SLC35A3: variants seen among roughly 807,000 people sequenced by gnomAD.
SLC35A3 encodes solute carrier family 35 member A3, also known as UDP-N-acetylglucosamine transporter.
In SLC35A3, 26 loss-of-function variants were observed where a neutral mutation model predicts 39.0. The observed-to-expected ratio is 0.67, with a 90% confidence interval of 0.49 to 0.92. The LOEUF (loss-of-function observed/expected upper bound fraction) is 0.92, where lower values mean the gene tolerates loss of function less well. SLC35A3 is among the 40% of genes least tolerant of loss of function. SLC35A3 has a pLI of 0.00. For missense variants in SLC35A3, 299 were observed against 371.6 expected (o/e 0.80, Z 1.61); for synonymous variants, 135 against 133.1 (o/e 1.01, Z -0.10).
At position 100,029,241 on chromosome 1, in the gene SLC35A3, C is replaced by A. The variant is rs1344521003; in HGVS notation, c.*6765C>A. On this transcript the variant is annotated 3_prime_UTR_variant, in exon 8 of 8. Transcript: ENST00000533028. ...GTTAGCATAAACTGTCAAGTGTTGT[C>A]TAAGGAACCCACAATGAATAATAAA... The A allele has an allele frequency of 6.6e-6, 1 of 152,062 alleles. No individual in the cohort carries two copies. Among genetic ancestry groups the A allele is most frequent in the African/African-American group, 2.4e-5 (1 of 41,384 alleles). 9.4% of individuals were successfully genotyped at this position (152,062 alleles called of 1,614,324 possible).
At chr1:99,987,698 T>C (rs1657828802) in intron 1 of SLC35A3, among the ~76,000 whole-genome samples, 1 of 152,172 alleles carries the variant, frequency 6.6e-6, no homozygotes, top group African/African-American at 2.4e-5. Context: ...TTAAGGATCA[T>C]ATATATACAA....
At position 100,027,940 on chromosome 1, in the gene SLC35A3, C is replaced by T. The variant is rs998569833; in HGVS notation, c.*5464C>T. 2.9e-5 allele frequency: 4 copies of T among 138,462 alleles called. No individual in the cohort carries two copies. The highest frequency in any genetic ancestry group is 3.1e-5 in the Non-Finnish European group (2 of 64,584). The allele number at this position is 138,462 out of a possible 1,614,324, so 8.6% of individuals were successfully genotyped here. ...AATCTGAATCTTATAGATAATACTA[C>T]CTTTTTTTTTTTTTTTTTTTTTTTT... is the stretch of plus-strand genomic sequence containing the variant. On this transcript the variant is annotated 3_prime_UTR_variant, in exon 8 of 8. Transcript: ENST00000533028.
chr1:99,994,944 T>A (rs1658294955), intron 2 of SLC35A3, among the ~76,000 whole-genome samples: 1 of 152,238 alleles, frequency 6.6e-6, no homozygotes, highest in Non-Finnish European at 1.5e-5. Context: ...GGTTCCTGTT[T>A]CTTCACATCT....
At chr1:99,988,725 C>T (rs1384870962) in intron 1 of SLC35A3, among the ~76,000 whole-genome samples, 1 of 145,440 alleles carries the variant, frequency 6.9e-6, no homozygotes. Flanking sequence ...GGTCTCCTCT[C>T]CCCTCCCCTT....
At chr1:100,005,084 C>T (rs148325255) in intron 3 of SLC35A3, among the ~76,000 whole-genome samples, 20 of 152,270 alleles carry the variant, frequency 1.3e-4, no homozygotes, top group Middle Eastern at 3.4e-3. Flanking sequence ...AATAGTTTCA[C>T]TGCGTATGGT....
intron 1 of SLC35A3, among the ~76,000 whole-genome samples, chr1:99,973,153 TAG>T (rs1656916958): frequency 6.6e-6 from 1 of 152,330 alleles, no homozygotes; most frequent in South Asian, 2.1e-4. Flanking sequence ...CTGAGAAGTA[TAG>T]AGAGTGAAGT....
intron 1 of SLC35A3, among the ~76,000 whole-genome samples, chr1:99,989,727 T>C (rs1306894470): frequency 3.3e-5 from 5 of 152,224 alleles, no homozygotes; most frequent in Non-Finnish European, 7.3e-5. Flanking sequence ...GCCTTTCATA[T>C]TATTTTACAG....
rs753405326 is a variant in SLC35A3, at chr1:100,026,014, G to A, written c.*3538G>A. On this transcript the variant is annotated 3_prime_UTR_variant, in exon 8 of 8. Coordinates refer to ENST00000533028, the MANE Select transcript of SLC35A3 (RefSeq NM_012243.3). ...ACGGTGGAATATATAGTATAGAGAT[G>A]CAAAACTTAAATGTTTACATCAATT... 1 of 152,056 alleles carries A rather than the reference G, an allele frequency of 6.6e-6. No individual in the cohort carries two copies. The highest frequency in any genetic ancestry group is 1.5e-5 in the Non-Finnish European group (1 of 67,978). The allele number at this position is 152,056 out of a possible 1,614,324, so 9.4% of individuals were successfully genotyped here.
chr1:99,986,842 C>T (rs1657768037), intron 1 of SLC35A3, among the ~76,000 whole-genome samples: 1 of 152,204 alleles, frequency 6.6e-6, no homozygotes, highest in Non-Finnish European at 1.5e-5. Flanking sequence ...CACACCTGGG[C>T]CTACCAAAGT....
At chr1:100,010,688 C>T (rs1659566478) in intron 4 of SLC35A3, among the ~76,000 whole-genome samples, 3 of 151,480 alleles carry the variant, frequency 2.0e-5, no homozygotes, top group African/African-American at 4.9e-5. Context: ...GACCATGTCT[C>T]AAAAAAAGAA....
chr1:100,019,422 T>C (rs1660380636), intron 7 of SLC35A3, among the ~76,000 whole-genome samples: 1 of 152,198 alleles, frequency 6.6e-6, no homozygotes, highest in Non-Finnish European at 1.5e-5. Flanking sequence ...AATGAATATT[T>C]TGAGAATATG....
chr1:99,996,961 G>T (rs1441890061), intron 2 of SLC35A3, among the ~76,000 whole-genome samples: 1 of 151,648 alleles, frequency 6.6e-6, no homozygotes, highest in Non-Finnish European at 1.5e-5. Flanking sequence ...AATAATTCTA[G>T]GGTTCCTTCG....
chr1:100,015,538 G>A (rs776247730), intron 6 of SLC35A3, 118 bp downstream of exon 6: 30 of 1,098,734 alleles, frequency 2.7e-5, no homozygotes, highest in Admixed American at 6.8e-5. Flanking sequence ...TAGTGCTCTC[G>A]TATCTAGTTT....
intron 1 of SLC35A3, among the ~76,000 whole-genome samples, chr1:99,985,091 A>G (rs1205976827): frequency 6.6e-6 from 1 of 151,824 alleles, no homozygotes; most frequent in Non-Finnish European, 1.5e-5. Flanking sequence ...TTAGTCATCT[A>G]TATTTGTTTT....
chr1:100,028,860 ACAGTCATAT>A lies in SLC35A3; in HGVS notation c.*6385_*6393del, dbSNP rs1178332714. 6.6e-6 allele frequency: 1 copy of A among 152,226 alleles called. No homozygotes were observed. Among genetic ancestry groups the A allele is most frequent in the Non-Finnish European group, 1.5e-5 (1 of 68,042 alleles). The allele number at this position is 152,226 out of a possible 1,614,324, so 9.4% of individuals were successfully genotyped here. A position where few individuals can be genotyped will look rare whatever the true frequency, so the allele number is the denominator to read the frequency against. The stretch of plus-strand genomic sequence containing the variant: ...AAACTTACTAAAAGCTATTATACTC[ACAGTCATAT>A]TTATTACAGAGAAAGGAAATACAAA... On this transcript the variant is annotated 3_prime_UTR_variant, in exon 8 of 8. Transcript: ENST00000533028.
chr1:99,994,133 T>G (rs1187092569), intron 2 of SLC35A3, among the ~76,000 whole-genome samples: 1 of 152,126 alleles, frequency 6.6e-6, no homozygotes, highest in Non-Finnish European at 1.5e-5. Flanking sequence ...TAAAAAATAG[T>G]TCTATTGAGA....
intron 3 of SLC35A3, chr1:100,000,518 TTG>T: frequency 6.6e-6 from 1 of 152,152 alleles, no homozygotes; most frequent in South Asian, 2.1e-4. Flanking sequence ...ATTCTACAGA[TTG>T]TGTCTGTATT....
intron 3 of SLC35A3, chr1:100,000,603 G>A (rs1382089547): frequency 3.3e-5 from 5 of 151,732 alleles, no homozygotes; most frequent in African/African-American, 1.2e-4. Flanking sequence ...CATTGCCTGT[G>A]CTTTTTTTCT....
chr1:99,995,166 T>TCTTTCTTTC (rs1285181673), intron 2 of SLC35A3, among the ~76,000 whole-genome samples: 2 of 147,824 alleles, frequency 1.4e-5, no homozygotes, highest in African/African-American at 5.1e-5. Context: ...CTTTCTTTTT[T>TCTTTCTTTC]TTTCGAGACT....
Sources: allele counts gnomAD v4.1 joint callset (sites outside exome capture counted in the v4.1 genomes callset), GRCh38; gene constraint gnomAD v4.1.1; transcripts MANE v1.5; gene names NCBI Gene and HGNC (gene_info 2026-07-23, HGNC 2026-07-21).